The following SLC17A1 variants were observed in gnomAD, a reference collection of about 807,000 sequenced individuals.
SLC17A1 encodes solute carrier family 17 member 1.
In SLC17A1, 51 loss-of-function variants were observed where a neutral mutation model predicts 53.5. The observed-to-expected ratio is 0.95, with a 90% CI of 0.76 to 1.20. The LOEUF (loss-of-function observed/expected upper bound fraction) is 1.20. Among genes scored for constraint, SLC17A1 ranks in the 50% most tolerant of loss-of-function variants. SLC17A1 has a pLI of 0.00. For missense variants in SLC17A1, 538 were observed against 568.2 expected (o/e 0.95, Z 0.54); for synonymous variants, 179 against 198.8 (o/e 0.90, Z 0.84).
chr6:25,741,413 T>G, the SLC17A1 span, among the ~76,000 whole-genome samples: 1 of 47,434 alleles, frequency 2.1e-5, no homozygotes, highest in East Asian at 7.0e-4. Flanking sequence ...TTACTAAGAA[T>G]CCAAAAAAAA....
At chr6:25,822,392 C>T (rs3799352) in intron 3 of SLC17A1, among the ~76,000 whole-genome samples, 98,709 of 152,062 alleles carry the variant, frequency 0.65, 33,852 homozygotes, top group African/African-American at 0.87. Context: ...ATAGCTATAA[C>T]TGCTTTACTA....
At chr6:25,813,069 T>C (rs748082546) in intron 7 of SLC17A1, 26 bp downstream of exon 7, 19 of 1,611,452 alleles carry the variant, frequency 1.2e-5, no homozygotes, top group South Asian at 9.9e-5. Context: ...ATCTGGGAGA[T>C]GCCAATATGG....
the SLC17A1 span, among the ~76,000 whole-genome samples, chr6:25,735,791 A>G: frequency 1.3e-5 from 2 of 152,168 alleles, no homozygotes; most frequent in African/African-American, 2.4e-5. Context: ...GCTCTTCAGA[A>G]CAAGATTGGG....
At chr6:25,747,546 C>A in the SLC17A1 span, among the ~76,000 whole-genome samples, 1 of 152,154 alleles carries the variant, frequency 6.6e-6, no homozygotes, top group Non-Finnish European at 1.5e-5. Context: ...TCCAAGAAAC[C>A]TACCGTTATG....
the SLC17A1 span, chr6:25,727,394 T>TA: frequency 9.4e-5 from 94 of 1,003,692 alleles, no homozygotes; most frequent in East Asian, 2.5e-3. Flanking sequence ...TTTCTAACCG[T>TA]AAGGGTTTTT....
At position 25,819,755 on chromosome 6, in the gene SLC17A1, A is replaced by T; in HGVS notation, c.368T>A (p.Leu123Gln). The T allele has an allele frequency of 6.2e-7, 1 of 1,614,218 alleles. No homozygotes were observed. ...FALCLSSVLS[L>Q]LIPPAAGIGV... The stretch of plus-strand genomic sequence containing the variant: ...AATTCCAGCTGCTGGTGGGATGAGC[A>T]GGCTTAACACAGAGCTGAGGCATAA... The change falls in exon 4 of 13, where the codon CTG becomes CAG. Residue 123 changes from leucine to glutamine, a missense_variant. Coordinates refer to ENST00000244527, the MANE Select transcript of SLC17A1 (RefSeq NM_005074.5).
intron 2 of SLC17A1, among the ~76,000 whole-genome samples, chr6:25,829,305 G>A (rs149875333): frequency 6.6e-6 from 1 of 152,222 alleles, no homozygotes; most frequent in Non-Finnish European, 1.5e-5. Context: ...TGAACACATT[G>A]CCCCCTTATC....
At chr6:25,727,351 A>G in the SLC17A1 span, 1 of 1,425,506 alleles carries the variant, frequency 7.0e-7, no homozygotes, top group Admixed American at 2.3e-5. Flanking sequence ...ACTTAAACAT[A>G]CTGAAACAGC....
chr6:25,732,724 G>A, the SLC17A1 span: 5 of 1,277,558 alleles, frequency 3.9e-6, no homozygotes, highest in Non-Finnish European at 4.4e-6. Context: ...ACAAGCTGCT[G>A]GCCCGAGTGA....
the SLC17A1 span, among the ~76,000 whole-genome samples, chr6:25,762,632 G>GATAAT: frequency 6.6e-6 from 1 of 152,050 alleles, no homozygotes; most frequent in African/African-American, 2.4e-5. Context: ...GACTTCAAAA[G>GATAAT]GCAAAACCCT....
At chr6:25,727,247 G>C in the SLC17A1 span, 2 of 1,612,352 alleles carry the variant, frequency 1.2e-6, no homozygotes, top group African/African-American at 2.7e-5. Flanking sequence ...AACATGCTGT[G>C]TCTGAGGGCA....
chr6:25,727,354 G>A, the SLC17A1 span: 1 of 1,414,892 alleles, frequency 7.1e-7, no homozygotes. Flanking sequence ...TAAACATACT[G>A]AAACAGCTGT....
the SLC17A1 span, chr6:25,726,992 C>CA: frequency 6.2e-7 from 1 of 1,614,120 alleles, no homozygotes; most frequent in Non-Finnish European, 8.5e-7. Context: ...AAAAGGAAGG[C>CA]AAAAAGCGCA....
the SLC17A1 span, chr6:25,768,858 A>G: frequency 1.1e-6 from 1 of 870,298 alleles, no homozygotes; most frequent in Non-Finnish European, 1.8e-6. Context: ...ACACACCTAC[A>G]GAGGAATGTC....
intron 2 of SLC17A1, among the ~76,000 whole-genome samples, chr6:25,829,246 C>G (rs887677118): frequency 6.6e-6 from 1 of 152,062 alleles, no homozygotes; most frequent in African/African-American, 2.4e-5. Context: ...GTAGGAGACC[C>G]TCTCCTAAAA....
At chr6:25,809,711 C>A (rs1390691668) in intron 10 of SLC17A1, among the ~76,000 whole-genome samples, 1 of 152,020 alleles carries the variant, frequency 6.6e-6, no homozygotes, top group Middle Eastern at 3.2e-3. Flanking sequence ...TCTAAAGATT[C>A]AATGCAATCC....
the SLC17A1 span, among the ~76,000 whole-genome samples, chr6:25,723,855 A>G: frequency 6.6e-6 from 1 of 152,158 alleles, no homozygotes; most frequent in Non-Finnish European, 1.5e-5. Flanking sequence ...CTATTAGACA[A>G]TGCATTTAGA....
At chr6:25,726,643 C>T in the SLC17A1 span, 2 of 1,310,466 alleles carry the variant, frequency 1.5e-6, no homozygotes, top group African/African-American at 2.9e-5. Context: ...GGCCGTCTAC[C>T]CAATCAGAAA....
chr6:25,732,532 T>TG, the SLC17A1 span: 1 of 491,808 alleles, frequency 2.0e-6, no homozygotes, highest in Non-Finnish European at 3.7e-6. Context: ...GTCAACGGGC[T>TG]GCTCAGCAAG....
Sources: gnomAD v4.1 joint callset for allele counts (sites outside exome capture counted in the v4.1 genomes callset) on GRCh38, gnomAD v4.1.1 for gene constraint, MANE v1.5 for transcripts, NCBI Gene and HGNC (gene_info 2026-07-23, HGNC 2026-07-21) for gene names.